WASF3: variants seen among roughly 807,000 people sequenced by gnomAD.
WASF3 encodes actin-binding protein WASF3.
WASF3 carries 11 observed loss-of-function variants against 46.6 expected under a neutral mutation model. The ratio of observed to expected loss-of-function variants is 0.24; its 90% CI spans 0.15 to 0.39. The LOEUF is 0.39. Ranked by LOEUF, WASF3 falls within the 10% of genes least tolerant of loss-of-function variation. WASF3 has a pLI of 1.00. For synonymous variants in WASF3, 242 were observed against 259.7 expected (o/e 0.93, Z 0.65); for missense variants, 576 against 669.8 (o/e 0.86, Z 1.55).
intron 1 of WASF3, among the ~76,000 whole-genome samples, chr13:26,596,343 T>TA (rs990248445): frequency 1.5e-4 from 23 of 151,738 alleles, no homozygotes; most frequent in African/African-American, 4.1e-4. Flanking sequence ...CTTTTTTTTT[T>TA]AAAAAAAGCT....
At chr13:26,662,696 C>CTG (rs967955470) in intron 3 of WASF3, among the ~76,000 whole-genome samples, 20 of 152,222 alleles carry the variant, frequency 1.3e-4, no homozygotes, top group Non-Finnish European at 1.9e-4. Flanking sequence ...CTCTTGGATA[C>CTG]TGTGTTCACT....
chr13:26,665,506 C>T (rs956797942), intron 4 of WASF3, among the ~76,000 whole-genome samples: 1 of 152,196 alleles, frequency 6.6e-6, no homozygotes, highest in South Asian at 2.1e-4. Flanking sequence ...CAGAGCCACT[C>T]TAGAGATATG....
At chr13:26,676,837 G>A in intron 7 of WASF3, 113 bp downstream of exon 7, 1 of 1,008,920 alleles carries the variant, frequency 9.9e-7, no homozygotes, top group Non-Finnish European at 1.4e-6. Flanking sequence ...GGCCCTTGAT[G>A]TCTTAAGATT....
At chr13:26,650,473 G>A (rs1175885417) in intron 3 of WASF3, among the ~76,000 whole-genome samples, 3 of 152,188 alleles carry the variant, frequency 2.0e-5, no homozygotes, top group Non-Finnish European at 4.4e-5. Flanking sequence ...ATCAGAACAA[G>A]ATTCAGATAT....
intron 2 of WASF3, chr13:26,618,950 C>G (rs1045047675): frequency 6.6e-6 from 1 of 152,128 alleles, no homozygotes; most frequent in Non-Finnish European, 1.5e-5. Context: ...TGGTTTCTTC[C>G]TTTAATCTCA....
intron 1 of WASF3, among the ~76,000 whole-genome samples, chr13:26,593,476 A>G (rs793631): frequency 0.013 from 2,032 of 152,200 alleles, 50 homozygotes; most frequent in African/African-American, 0.045. Context: ...AATTATTGTT[A>G]TTATTATTTA....
At chr13:26,651,284 G>C (rs986921102) in intron 3 of WASF3, among the ~76,000 whole-genome samples, 2 of 151,978 alleles carry the variant, frequency 1.3e-5, no homozygotes, top group African/African-American at 4.8e-5. Context: ...TTGCACCACT[G>C]CACTCCATCA....
intron 1 of WASF3, among the ~76,000 whole-genome samples, chr13:26,569,004 A>G (rs185327826): frequency 1.2e-4 from 18 of 152,236 alleles, no homozygotes; most frequent in Admixed American, 7.9e-4. Flanking sequence ...AGGTGATAGT[A>G]AAGTATTTTG....
intron 1 of WASF3, among the ~76,000 whole-genome samples, chr13:26,581,160 G>A (rs1481128658): frequency 1.3e-5 from 2 of 152,034 alleles, no homozygotes; most frequent in African/African-American, 4.8e-5. Context: ...TTGAACTCTT[G>A]AGCTCAAGTG....
the WASF3 span, among the ~76,000 whole-genome samples, chr13:26,546,961 C>G: frequency 6.6e-6 from 1 of 152,286 alleles, no homozygotes; most frequent in Non-Finnish European, 1.5e-5. Context: ...CCCCAGATCT[C>G]TACTTACCAT....
intron 1 of WASF3, among the ~76,000 whole-genome samples, chr13:26,573,752 A>G (rs556263221): frequency 1.6e-3 from 248 of 152,276 alleles, no homozygotes; most frequent in African/African-American, 5.8e-3. Flanking sequence ...ATTTTCACAA[A>G]ATGAATTCAT....
chr13:26,634,318 T>C (rs1367986504), intron 2 of WASF3, among the ~76,000 whole-genome samples: 3 of 152,240 alleles, frequency 2.0e-5, no homozygotes, highest in Non-Finnish European at 4.4e-5. Context: ...ACCCCTGTTT[T>C]CTTTGCTTTC....
rs184358432 is a variant in WASF3 at position 26,575,318 on chromosome 13, T to C, written c.-109+17499T>C. 9.5e-4 allele frequency among the ~76,000 whole-genome samples: 145 copies of C among 152,300 alleles called. 1 individual carries two copies. The highest frequency in any genetic ancestry group is 3.4e-3 in the African/African-American group (140 of 41,562). Reference sequence around the variant, plus strand: ...CATTTTCAAATCTTTTCAGGACATATACAGTTTATGTATCATTTTTCTGTC... The same window carrying C: ...CATTTTCAAATCTTTTCAGGACATACACAGTTTATGTATCATTTTTCTGTC... On this transcript the variant is annotated intron_variant, in intron 1 of 9. Coordinates refer to ENST00000335327, the MANE Select transcript of WASF3 (RefSeq NM_006646.6).
At chr13:26,661,158 C>A (rs1011126606) in intron 3 of WASF3, among the ~76,000 whole-genome samples, 3 of 152,194 alleles carry the variant, frequency 2.0e-5, no homozygotes, top group Non-Finnish European at 4.4e-5. Context: ...TTGGAGGCAA[C>A]CAGCATCCAC....
At chr13:26,642,151 T>G (rs747908854) in intron 2 of WASF3, 110 bp from the exon 3 acceptor site, 39 of 1,243,600 alleles carry the variant, frequency 3.1e-5, no homozygotes, top group Non-Finnish European at 3.8e-5. Flanking sequence ...ACATAGAAAT[T>G]TTAGGATAAT....
At chr13:26,625,393 A>G (rs1200814866) in intron 2 of WASF3, among the ~76,000 whole-genome samples, 3 of 152,180 alleles carry the variant, frequency 2.0e-5, no homozygotes, top group Admixed American at 2.0e-4. Context: ...TGCCTAGCTG[A>G]TGGTATAACT....
At chr13:26,656,376 A>C (rs1388579795) in intron 3 of WASF3, among the ~76,000 whole-genome samples, 2 of 152,162 alleles carry the variant, frequency 1.3e-5, no homozygotes, top group African/African-American at 4.8e-5. Flanking sequence ...TCTTTACCTA[A>C]ATTCTCTTTA....
Position 26,616,000 on chromosome 13 carries a change from T to G in WASF3, c.-11+2942T>G, listed in dbSNP as rs185152188. 1.2e-3 allele frequency among the ~76,000 whole-genome samples: 166 copies of G among 138,542 alleles called. 2 individuals are homozygous for G. The highest frequency in any genetic ancestry group is 7.9e-3 in the East Asian group (41 of 5,190). The allele number at this position is 138,542 out of a possible 152,430, so 90.9% of individuals were successfully genotyped here. ...CTCACTGTATGGATGTAATGCAGTT[T>G]GTTTGTCCATTCACCTGCTAATGGA... On this transcript the variant is annotated intron_variant, in intron 2 of 9. Coordinates refer to ENST00000335327, the MANE Select transcript of WASF3 (RefSeq NM_006646.6).
rs189591935 is a variant in WASF3 at position 26,667,881 on chromosome 13, A to G, written c.422+211A>G. 1.1e-4 allele frequency among the ~76,000 whole-genome samples: 16 copies of G among 152,344 alleles called. No individual in the cohort carries two copies. The East Asian group carries it at 3.1e-3, about 29-fold the overall frequency. On this transcript the variant is annotated intron_variant, in intron 5 of 9. Coordinates refer to ENST00000335327, the MANE Select transcript of WASF3 (RefSeq NM_006646.6). ...TATTAAAGTTACAGTATTTCAGCAT[A>G]TTGATACGTTTAACAGTAGAAATGT...
Sources: allele counts gnomAD v4.1 joint callset (sites outside exome capture counted in the v4.1 genomes callset), GRCh38; gene constraint gnomAD v4.1.1; transcripts MANE v1.5; gene names NCBI Gene and HGNC (gene_info 2026-07-23, HGNC 2026-07-21).